Variants in BCAS4 observed in about 807,000 individuals in gnomAD.
The protein encoded by BCAS4 is breast carcinoma-amplified sequence 4.
BCAS4 carries 9 observed loss-of-function variants against 15.7 expected under a neutral mutation model. The observed-to-expected ratio is 0.57, with a 90% CI of 0.34 to 1.00. The LOEUF is 1.00. Ranked by LOEUF, BCAS4 falls within the 50% of genes least tolerant of loss-of-function variation. The probability of loss-of-function intolerance (pLI) is 0.02; values close to 1 mark genes in which losing one functional copy is unlikely to be tolerated. For missense variants in BCAS4, 225 were observed against 239.1 expected (o/e 0.94, Z 0.39); for synonymous variants, 101 against 99.5 (o/e 1.02, Z -0.09).
intron 1 of BCAS4, among the ~76,000 whole-genome samples, chr20:50,811,337 C>T (rs1224197662): frequency 6.6e-6 from 1 of 151,974 alleles, no homozygotes; most frequent in African/African-American, 2.4e-5. Context: ...TGCACTCTAG[C>T]CTGGATGACA....
At chr20:50,833,790 G>A (rs886818488) in intron 3 of BCAS4, among the ~76,000 whole-genome samples, 5 of 152,208 alleles carry the variant, frequency 3.3e-5, no homozygotes, top group Non-Finnish European at 7.3e-5. Flanking sequence ...GCATATGGCC[G>A]AGGGGAGATG....
chr20:50,831,240 C>T (rs1248536034), intron 3 of BCAS4, among the ~76,000 whole-genome samples: 1 of 152,034 alleles, frequency 6.6e-6, no homozygotes, highest in Non-Finnish European at 1.5e-5. Flanking sequence ...ACCACCCTGG[C>T]CAACCTGGTG....
downstream of BCAS4, chr20:50,880,640 G>A (rs1980102399): frequency 6.6e-6 from 1 of 152,102 alleles, no homozygotes; most frequent in Non-Finnish European, 1.5e-5. Context: ...TTTTGTGGCT[G>A]ATGTTGGACA....
chr20:50,837,340 C>A (rs1280139754), intron 3 of BCAS4, among the ~76,000 whole-genome samples: 1 of 152,102 alleles, frequency 6.6e-6, no homozygotes, highest in Non-Finnish European at 1.5e-5. Context: ...GTAATCCCAG[C>A]ATTTGGGAGG....
intron 1 of BCAS4, among the ~76,000 whole-genome samples, chr20:50,806,553 GC>G (rs1444789547): frequency 6.6e-6 from 1 of 152,180 alleles, no homozygotes; most frequent in Non-Finnish European, 1.5e-5. Flanking sequence ...GTCCAGTATG[GC>G]CTTGCCCATG....
At chr20:50,813,214 T>C (rs77949744) in intron 1 of BCAS4, among the ~76,000 whole-genome samples, 8 of 152,324 alleles carry the variant, frequency 5.3e-5, no homozygotes, top group Non-Finnish European at 1.0e-4. Context: ...AGCTGCACAA[T>C]TGTACCCTTC....
At chr20:50,824,837 C>G (rs186584550) in intron 2 of BCAS4, among the ~76,000 whole-genome samples, 14 of 152,324 alleles carry the variant, frequency 9.2e-5, no homozygotes, top group African/African-American at 2.9e-4. Context: ...TGATTTTTCA[C>G]AAGAAGTCAG....
chr20:50,879,746 A>T (rs529136932), downstream of BCAS4: 3 of 152,284 alleles, frequency 2.0e-5, no homozygotes, highest in Non-Finnish European at 4.4e-5. Context: ...CGCTAGGAGC[A>T]TGGCCCTGAG....
intron 1 of BCAS4, among the ~76,000 whole-genome samples, chr20:50,800,664 C>T (rs774990153): frequency 3.3e-5 from 5 of 149,366 alleles, no homozygotes; most frequent in South Asian, 2.1e-4. Context: ...TGGGTTCAAG[C>T]GATTCTCCTG....
intron 4 of BCAS4, among the ~76,000 whole-genome samples, chr20:50,855,462 C>T (rs772602682): frequency 6.6e-6 from 1 of 152,158 alleles, no homozygotes; most frequent in African/African-American, 2.4e-5. Flanking sequence ...CACAAACCTT[C>T]ACTGTGCCCC....
chr20:50,872,269 A>AGGAAC (rs1217516239), intron 4 of BCAS4, among the ~76,000 whole-genome samples: 3 of 126,234 alleles, frequency 2.4e-5, no homozygotes, highest in East Asian at 2.4e-4. Flanking sequence ...GTCTCAAAAA[A>AGGAAC]AAAAAAAAAA....
Position 50,851,219 on chromosome 20 carries a change from G to A in BCAS4, c.399+9319G>A, listed in dbSNP as rs1313494791. Reference sequence around the variant, plus strand: ...GGAAATTGTGAGGCGCCTTCTCCCGGCCCTGAACCAGCCACTGCTTCTCCT... The same window carrying A: ...GGAAATTGTGAGGCGCCTTCTCCCGACCCTGAACCAGCCACTGCTTCTCCT... On this transcript the variant is annotated intron_variant, in intron 4 of 4. Coordinates refer to ENST00000371608, the MANE Select transcript of BCAS4 (RefSeq NM_198799.4). This position sits in a 1 kb window ranked among gnomAD's most constrained non-coding sequence, Gnocchi z 4.3. Among the ~76,000 whole-genome samples, 1 of 152,202 alleles carries A rather than the reference G, an allele frequency of 6.6e-6. No homozygotes were observed. The highest frequency in any genetic ancestry group is 1.5e-5 in the Non-Finnish European group (1 of 68,032).
At chr20:50,808,828 C>T (rs2088026213) in intron 1 of BCAS4, among the ~76,000 whole-genome samples, 1 of 152,266 alleles carries the variant, frequency 6.6e-6, no homozygotes, top group East Asian at 1.9e-4. Context: ...TGTGCAGAAG[C>T]TTTTTAGTTT....
At chr20:50,819,943 C>T (rs574567626) in intron 2 of BCAS4, among the ~76,000 whole-genome samples, 35 of 152,212 alleles carry the variant, frequency 2.3e-4, no homozygotes, top group South Asian at 1.9e-3. Context: ...CTCTGCCTCC[C>T]GGGTTCAAGT....
rs1219747060 is a variant in BCAS4, at chr20:50,818,300, AG to A, written c.162+20del. 6.2e-7 allele frequency: 1 copy of A among 1,610,676 alleles called. No homozygotes were observed. The highest frequency in any genetic ancestry group is 1.7e-5 in the Admixed American group (1 of 59,496). Reference sequence around the variant, plus strand: ...CTGACCTGGTGAGTGGCTGCCTGGAAGGCGTGGGTTTAGGCCCAGGCCAGAC... The same window carrying A: ...CTGACCTGGTGAGTGGCTGCCTGGAAGCGTGGGTTTAGGCCCAGGCCAGAC... On this transcript the variant is annotated intron_variant, in intron 2 of 4. Transcript: ENST00000371608.
intron 3 of BCAS4, among the ~76,000 whole-genome samples, chr20:50,839,895 T>A (rs896369398): frequency 2.6e-5 from 4 of 152,240 alleles, no homozygotes; most frequent in Non-Finnish European, 5.9e-5. Flanking sequence ...GGCACACAAG[T>A]AACTGTTGAG....
chr20:50,819,122 G>A (rs952126907), intron 2 of BCAS4, among the ~76,000 whole-genome samples: 1 of 152,090 alleles, frequency 6.6e-6, no homozygotes, highest in Non-Finnish European at 1.5e-5. Flanking sequence ...GGTGGAGGTT[G>A]CAGTGAGCTG....
intron 4 of BCAS4, among the ~76,000 whole-genome samples, chr20:50,855,031 G>T (rs1410590184): frequency 6.6e-6 from 1 of 152,198 alleles, no homozygotes; most frequent in Non-Finnish European, 1.5e-5. Flanking sequence ...CTCAAGCCAT[G>T]CTGGGTCATG....
Position 50,876,515 on chromosome 20 carries a change from CGAG to C in BCAS4, c.430_432del (p.Glu144del). 6.2e-7 allele frequency: 1 copy of C among 1,613,908 alleles called. No homozygotes were observed. The highest frequency in any genetic ancestry group is 8.5e-7 in the Non-Finnish European group (1 of 1,179,930). On this transcript the variant is annotated inframe_deletion, in exon 5 of 5. Transcript: ENST00000371608. ...CACCTGCACCGGTGCCCGTGACGTACGAGCTGCCCACACTGTATAGGACGGAGG... is the reference window on the plus strand; with the variant it reads ...CACCTGCACCGGTGCCCGTGACGTACCTGCCCACACTGTATAGGACGGAGG...
Sources: allele counts gnomAD v4.1 joint callset (sites outside exome capture counted in the v4.1 genomes callset), GRCh38; gene constraint gnomAD v4.1.1; non-coding constraint Gnocchi (gnomAD v3.1); transcripts MANE v1.5; gene names NCBI Gene and HGNC (gene_info 2026-07-23, HGNC 2026-07-21).